Variants in SRSF12 observed in about 807,000 individuals in gnomAD.
SRSF12 encodes serine and arginine rich splicing factor 12.
SRSF12 carries 21 observed loss-of-function variants against 34.1 expected under a neutral mutation model. The observed-to-expected ratio is 0.62, with a 90% CI of 0.44 to 0.89. The LOEUF is 0.89. Among genes scored for constraint, SRSF12 ranks in the 40% least tolerant of loss-of-function variants. SRSF12 has a pLI of 0.00. For synonymous variants in SRSF12, 111 were observed against 110.8 expected (o/e 1.00, Z -0.01); for missense variants, 278 against 327.8 (o/e 0.85, Z 1.17).
chr6:89,099,459 T>C (rs1405007438), intron 4 of SRSF12, among the ~76,000 whole-genome samples: 2 of 146,940 alleles, frequency 1.4e-5, no homozygotes, highest in African/African-American at 2.5e-5. Context: ...TATGTGTGTA[T>C]ATATGTGTGT....
chr6:89,100,417 A>G (rs1034552726), intron 4 of SRSF12, among the ~76,000 whole-genome samples: 1 of 152,202 alleles, frequency 6.6e-6, no homozygotes, highest in Non-Finnish European at 1.5e-5. Flanking sequence ...CCTTAAGATC[A>G]AAGTGATCTG....
intron 4 of SRSF12, among the ~76,000 whole-genome samples, 177 bp downstream of exon 4, chr6:89,104,942 G>A (rs547376172): frequency 5.9e-5 from 9 of 152,152 alleles, no homozygotes; most frequent in South Asian, 2.1e-4. Context: ...TGTAGTACCC[G>A]CTACTTGGGA....
At chr6:89,102,906 G>A (rs1768602504) in intron 4 of SRSF12, among the ~76,000 whole-genome samples, 1 of 152,066 alleles carries the variant, frequency 6.6e-6, no homozygotes, top group Admixed American at 6.6e-5. Flanking sequence ...GCTGGAACAG[G>A]TGTGTGCCAC....
In SRSF12 at chr6:89,117,782, C is replaced by T. The variant is rs768953016; in HGVS notation, c.65+41G>A. The T allele has an allele frequency of 3.3e-6, 5 of 1,523,738 alleles. No individual in the cohort carries two copies. The African/African-American group carries it at 5.8e-5, about 18-fold the overall frequency. 94.4% of individuals were successfully genotyped at this position (1,523,738 alleles called of 1,614,324 possible). A position where few individuals can be genotyped will look rare whatever the true frequency, so the allele number is the denominator to read the frequency against. ...GCTCCGCGGCGCGGCTGTTACCCCG[C>T]CCCTCCTCCGCGCCCCCAACCTGCA... On this transcript the variant is annotated intron_variant, in intron 1 of 4. Coordinates refer to ENST00000452027, the MANE Select transcript of SRSF12 (RefSeq NM_080743.5).
At chr6:89,102,332 T>C (rs1388703696) in intron 4 of SRSF12, among the ~76,000 whole-genome samples, 5 of 152,060 alleles carry the variant, frequency 3.3e-5, no homozygotes, top group Non-Finnish European at 7.4e-5. Context: ...TTAGTAGAGA[T>C]GGGGTTTCGC....
intron 1 of SRSF12, among the ~76,000 whole-genome samples, chr6:89,109,529 A>G (rs1768948362): frequency 1.3e-5 from 2 of 152,212 alleles, no homozygotes; most frequent in Non-Finnish European, 1.5e-5. Context: ...AACCAATCCC[A>G]TCAACCAAAT....
At chr6:89,108,840 T>A (rs1768912218) in intron 1 of SRSF12, among the ~76,000 whole-genome samples, 1 of 152,188 alleles carries the variant, frequency 6.6e-6, no homozygotes, top group African/African-American at 2.4e-5. Context: ...TGACTAAGGC[T>A]AGAGATGGGG....
At chr6:89,099,766 C>T (rs955040743) in intron 4 of SRSF12, among the ~76,000 whole-genome samples, 3 of 152,040 alleles carry the variant, frequency 2.0e-5, no homozygotes, top group Non-Finnish European at 4.4e-5. Flanking sequence ...ATCTCCCGAC[C>T]TCAGGTTATC....
intron 4 of SRSF12, among the ~76,000 whole-genome samples, chr6:89,103,204 A>ATAT (rs1195703043): frequency 6.6e-6 from 1 of 152,216 alleles, no homozygotes; most frequent in African/African-American, 2.4e-5. Flanking sequence ...TGAGACAGTC[A>ATAT]AGTATTATAC....
intron 1 of SRSF12, among the ~76,000 whole-genome samples, chr6:89,111,131 T>C (rs1053046903): frequency 2.7e-4 from 40 of 150,096 alleles, no homozygotes; most frequent in Non-Finnish European, 4.6e-4. Context: ...TTTTTGGAGA[T>C]GGAATCTTGC....
intron 1 of SRSF12, among the ~76,000 whole-genome samples, chr6:89,116,043 A>AT (rs1366087211): frequency 1.3e-5 from 2 of 152,240 alleles, no homozygotes; most frequent in Non-Finnish European, 2.9e-5. Context: ...TATATCAACA[A>AT]TAAGTCCAGA....
At chr6:89,110,961 A>T (rs1301073228) in intron 1 of SRSF12, among the ~76,000 whole-genome samples, 2 of 151,594 alleles carry the variant, frequency 1.3e-5, no homozygotes, top group African/African-American at 2.4e-5. Context: ...TACAAAAAAT[A>T]AAAAAAAATT....
intron 1 of SRSF12, among the ~76,000 whole-genome samples, chr6:89,114,608 A>C (rs1269138154): frequency 6.6e-6 from 1 of 152,186 alleles, no homozygotes; most frequent in African/African-American, 2.4e-5. Flanking sequence ...AAAGCTAAAA[A>C]AAAAAAAAAG....
chr6:89,112,832 T>A (rs558340970), intron 1 of SRSF12, among the ~76,000 whole-genome samples: 1 of 152,346 alleles, frequency 6.6e-6, no homozygotes, highest in Admixed American at 6.5e-5. Flanking sequence ...CATAATCTTA[T>A]AACAAAGCTG....
In SRSF12 at chr6:89,118,039, C is replaced by T. The variant is rs1245532928; in HGVS notation, c.-152G>A. On this transcript the variant is annotated 5_prime_UTR_variant, in exon 1 of 5. Transcript: ENST00000452027. ...CCCGCCAGCGCGCAGCCGCAGAGGC[C>T]GGCGCAGAGGGGGCGCAGCGCGGCG... 7 of 640,476 alleles carry T rather than the reference C, an allele frequency of 1.1e-5. No homozygotes were observed. Among genetic ancestry groups the T allele is most frequent in the Non-Finnish European group, 1.4e-5 (6 of 436,082 alleles). The allele number at this position is 640,476 out of a possible 1,614,324, so 39.7% of individuals were successfully genotyped here.
At position 89,098,052 on chromosome 6, in the gene SRSF12, TA is replaced by T. The variant is rs1355387206; in HGVS notation, c.*525del. The T allele has an allele frequency of 1.3e-5, 2 of 152,824 alleles. No individual in the cohort carries two copies. The highest frequency in any genetic ancestry group is 2.9e-5 in the Non-Finnish European group (2 of 68,562). The allele number at this position is 152,824 out of a possible 1,614,324, so 9.5% of individuals were successfully genotyped here. A position where few individuals can be genotyped will look rare whatever the true frequency, so the allele number is the denominator to read the frequency against. On this transcript the variant is annotated 3_prime_UTR_variant, in exon 5 of 5. Coordinates refer to ENST00000452027, the MANE Select transcript of SRSF12 (RefSeq NM_080743.5). ...ATGTATCTTTTGAATGTTTGATCTC[TA>T]TATATATTCTACTTTTTGGAACATC...
Position 89,117,822 on chromosome 6 carries a change from C to T in SRSF12, c.65+1G>A. ...CCCAACCTGCAGCCGCGGCCGTTCACCTGGTGGCGTCCGCGACGTTCCTGA... is the reference window on the plus strand; with the variant it reads ...CCCAACCTGCAGCCGCGGCCGTTCATCTGGTGGCGTCCGCGACGTTCCTGA... On this transcript the variant is annotated splice_donor_variant, in intron 1 of 4. Coordinates refer to ENST00000452027, the MANE Select transcript of SRSF12 (RefSeq NM_080743.5). LOFTEE classifies it high-confidence loss of function. The T allele has an allele frequency of 6.4e-7, 1 of 1,556,336 alleles. No homozygotes were observed. The highest frequency in any genetic ancestry group is 1.4e-5 in the African/African-American group (1 of 70,384).
chr6:89,110,122 C>T (rs997490914), intron 1 of SRSF12, among the ~76,000 whole-genome samples: 7 of 152,126 alleles, frequency 4.6e-5, no homozygotes, highest in Non-Finnish European at 1.0e-4. Context: ...CCGTATTTGA[C>T]ATACTTGCCA....
At chr6:89,110,149 T>C (rs1241763884) in intron 1 of SRSF12, among the ~76,000 whole-genome samples, 3 of 152,222 alleles carry the variant, frequency 2.0e-5, no homozygotes, top group African/African-American at 7.2e-5. Context: ...TCAGTATTTT[T>C]AAAGAAATAT....
Sources: allele counts gnomAD v4.1 joint callset (sites outside exome capture counted in the v4.1 genomes callset), GRCh38; gene constraint gnomAD v4.1.1; transcripts MANE v1.5; gene names NCBI Gene and HGNC (gene_info 2026-07-23, HGNC 2026-07-21).